EYS: variants seen among roughly 807,000 people sequenced by gnomAD.
EYS encodes the protein protein eyes shut homolog.
EYS carries 250 observed loss-of-function variants against 282.1 expected under a neutral mutation model. The observed-to-expected ratio is 0.89, with a 90% CI of 0.80 to 0.98. EYS has a LOEUF of 0.98. Ranked by LOEUF, EYS falls within the 50% of genes least tolerant of loss-of-function variation. EYS has a pLI of 0.00. For synonymous variants in EYS, 1,355 were observed against 1,282.9 expected, an observed-to-expected ratio of 1.06 and a Z score of -1.20; for missense variants, 4,016 against 3,709.0, an observed-to-expected ratio of 1.08 and a Z score of -2.15.
chr6:65,192,402 A>G (rs889451990), intron 12 of EYS, among the ~76,000 whole-genome samples: 6 of 151,560 alleles, frequency 4.0e-5, no homozygotes, highest in African/African-American at 1.5e-4. Flanking sequence ...ACCAAATTTT[A>G]TATCTTTTTC....
chr6:65,129,086 G>T (rs1775797032), intron 12 of EYS, among the ~76,000 whole-genome samples: 1 of 151,910 alleles, frequency 6.6e-6, no homozygotes, highest in African/African-American at 2.4e-5. Flanking sequence ...AATAAATGGT[G>T]GGTGCTGAGA....
At chr6:64,010,274 C>G (rs958115352) in intron 33 of EYS, among the ~76,000 whole-genome samples, 2 of 151,908 alleles carry the variant, frequency 1.3e-5, no homozygotes, top group African/African-American at 4.8e-5. Context: ...ACTGGGGATG[C>G]GGTGCTCCTG....
At chr6:65,419,388 C>T (rs114997812) in intron 5 of EYS, among the ~76,000 whole-genome samples, 3,388 of 151,532 alleles carry the variant, frequency 0.022, 113 homozygotes, top group African/African-American at 0.078. Flanking sequence ...TAAACATGTA[C>T]AAAAATTCAC....
At chr6:63,746,855 AT>A (rs1769221838) in intron 41 of EYS, among the ~76,000 whole-genome samples, 2 of 151,478 alleles carry the variant, frequency 1.3e-5, no homozygotes. Flanking sequence ...CAATCTATCT[AT>A]TTTGTTAATC....
intron 2 of EYS, among the ~76,000 whole-genome samples, chr6:65,630,846 C>T (rs2149807942): frequency 6.6e-6 from 1 of 152,212 alleles, no homozygotes; most frequent in South Asian, 2.1e-4. Flanking sequence ...AAAGCTGTAT[C>T]AATGGAAGAA....
At chr6:65,615,241 T>G (rs912835099) in intron 2 of EYS, among the ~76,000 whole-genome samples, 1 of 152,078 alleles carries the variant, frequency 6.6e-6, no homozygotes, top group Non-Finnish European at 1.5e-5. Flanking sequence ...AGACAAAGTT[T>G]AGGGTACTTT....
Position 65,193,765 on chromosome 6 carries a change from G to T in EYS, c.2023+102098C>A, listed in dbSNP as rs931841829. Among the ~76,000 whole-genome samples, 7 of 151,580 alleles carry T rather than the reference G, an allele frequency of 4.6e-5. 1 individual carries two copies. Among genetic ancestry groups the T allele is most frequent in the African/African-American group, 1.7e-4 (7 of 41,290 alleles). Reference sequence around the variant, plus strand: ...ATATAATACAAAAGAGATAATAACAGTAAAGAAAACAATAACAATTGCCAC... The same window carrying T: ...ATATAATACAAAAGAGATAATAACATTAAAGAAAACAATAACAATTGCCAC... On this transcript the variant is annotated intron_variant, in intron 12 of 42. Transcript: ENST00000503581.
At chr6:64,183,675 T>TA (rs1295744392) in intron 31 of EYS, among the ~76,000 whole-genome samples, 3 of 152,134 alleles carry the variant, frequency 2.0e-5, no homozygotes, top group African/African-American at 4.8e-5. Context: ...GTAAAAGCTA[T>TA]AAAAAACACT....
chr6:64,394,014 G>T (rs1773262043), intron 28 of EYS, among the ~76,000 whole-genome samples: 2 of 152,092 alleles, frequency 1.3e-5, no homozygotes, highest in Admixed American at 6.5e-5. Context: ...CAAATCATGA[G>T]TGAACTCCCA....
intron 26 of EYS, among the ~76,000 whole-genome samples, chr6:64,545,189 A>T (rs1248504007): frequency 6.6e-6 from 1 of 152,218 alleles, no homozygotes; most frequent in Non-Finnish European, 1.5e-5. Flanking sequence ...AGTGGGCTTC[A>T]TCCCTGGGAT....
rs569632348 is a variant in EYS, at chr6:64,705,579, A to G, written c.3444-79334T>C. Among the ~76,000 whole-genome samples, 5 of 151,896 alleles carry G rather than the reference A, an allele frequency of 3.3e-5. No homozygotes were observed. The East Asian group carries it at 9.7e-4, about 29-fold the overall frequency. The stretch of plus-strand genomic sequence containing the variant: ...ATAGCAAAGACTTGGAACCAACCCA[A>G]ATGTCCAACAATGATAGACTGGGTT... On this transcript the variant is annotated intron_variant, in intron 22 of 42. Coordinates refer to ENST00000503581, the MANE Select transcript of EYS (RefSeq NM_001142800.2).
At chr6:65,066,936 G>T (rs1452944315) in intron 12 of EYS, among the ~76,000 whole-genome samples, 1 of 152,096 alleles carries the variant, frequency 6.6e-6, no homozygotes, top group African/African-American at 2.4e-5. Context: ...TTAGCATATA[G>T]AATTATTATT....
intron 26 of EYS, among the ~76,000 whole-genome samples, chr6:64,454,786 A>G (rs1442459474): frequency 6.6e-6 from 1 of 152,112 alleles, no homozygotes; most frequent in African/African-American, 2.4e-5. Context: ...CCACAAAGAG[A>G]TATGTAGGGA....
chr6:65,169,320 C>T (rs1765049517), intron 12 of EYS, among the ~76,000 whole-genome samples: 1 of 151,400 alleles, frequency 6.6e-6, no homozygotes, highest in Admixed American at 6.6e-5. Flanking sequence ...CACACCTAAG[C>T]TGTACATAAT....
At chr6:65,174,599 G>T (rs1200350795) in intron 12 of EYS, among the ~76,000 whole-genome samples, 1 of 151,182 alleles carries the variant, frequency 6.6e-6, no homozygotes, top group Non-Finnish European at 1.5e-5. Context: ...TGTCTTAAAA[G>T]ATTTTAGAAG....
At chr6:65,292,180 TA>T (rs1768545499) in intron 12 of EYS, among the ~76,000 whole-genome samples, 1 of 151,710 alleles carries the variant, frequency 6.6e-6, no homozygotes. Context: ...TTTCTCCTCT[TA>T]GGCATAAATT....
At chr6:65,554,399 CTTCT>C (rs1768715306) in intron 2 of EYS, among the ~76,000 whole-genome samples, 1 of 152,046 alleles carries the variant, frequency 6.6e-6, no homozygotes, top group Non-Finnish European at 1.5e-5. Context: ...TCTCAACCTC[CTTCT>C]TTATTTTTTG....
chr6:65,310,424 T>A (rs930845775), intron 11 of EYS, among the ~76,000 whole-genome samples: 26 of 152,102 alleles, frequency 1.7e-4, no homozygotes, highest in African/African-American at 6.0e-4. Flanking sequence ...TGACCCTCAA[T>A]GATCCTGCCT....
At chr6:65,502,108 G>A (rs1051382680) in intron 2 of EYS, among the ~76,000 whole-genome samples, 4 of 151,568 alleles carry the variant, frequency 2.6e-5, no homozygotes, top group African/African-American at 9.7e-5. Context: ...ACATTGACCT[G>A]TCATTGAAAT....
Sources: allele counts gnomAD v4.1 joint callset (sites outside exome capture counted in the v4.1 genomes callset), GRCh38; gene constraint gnomAD v4.1.1; transcripts MANE v1.5; gene names NCBI Gene and HGNC (gene_info 2026-07-23, HGNC 2026-07-21).